The following SPATA13 variants were observed in gnomAD, a reference collection of about 807,000 sequenced individuals.
The protein encoded by SPATA13 is spermatogenesis-associated protein 13.
A neutral mutation model predicts 104.0 loss-of-function variants in SPATA13; 50 were observed. The observed-to-expected ratio is 0.48, with a 90% CI of 0.38 to 0.61. The LOEUF (loss-of-function observed/expected upper bound fraction) is 0.61. SPATA13 is among the 20% of genes least tolerant of loss of function. The pLI, the probability that SPATA13 is intolerant of heterozygous loss-of-function variation, is 0.00. For synonymous variants in SPATA13, 606 were observed against 667.5 expected, an observed-to-expected ratio of 0.91 and a Z score of 1.42; for missense variants, 1,524 against 1,690.6, an observed-to-expected ratio of 0.90 and a Z score of 1.73.
rs1044933029 is a variant in SPATA13, at chr13:24,011,993, C to T, written c.-146-5674C>T. 6.6e-6 allele frequency among the ~76,000 whole-genome samples: 1 copy of T among 152,224 alleles called. No homozygotes were observed. The highest frequency in any genetic ancestry group is 1.5e-5 in the Non-Finnish European group (1 of 68,042). ...ACAGGCACAGGGACCGGGGCTTGCC[C>T]ACCACCCTAAACAAAACTTGCTGAT... On this transcript the variant is annotated intron_variant, in intron 2 of 14. Transcript: ENST00000424834. The surrounding 1 kb of genome is among the most constrained non-coding windows in gnomAD (Gnocchi z 4.3).
At chr13:24,159,436 G>C (rs1034059355), upstream of SPATA13, among the ~76,000 whole-genome samples, 1 of 152,114 alleles carries the variant, frequency 6.6e-6, no homozygotes, top group Admixed American at 6.5e-5. Flanking sequence ...ACTATTTTTA[G>C]AGCAGTTTTA....
intron 3 of SPATA13, among the ~76,000 whole-genome samples, chr13:24,145,178 G>A (rs1235189612): frequency 6.6e-5 from 10 of 152,216 alleles, no homozygotes; most frequent in Non-Finnish European, 1.5e-5. Flanking sequence ...GAAAGAGACA[G>A]TGTGAAAGGC....
intron 3 of SPATA13, chr13:24,034,933 G>A (rs1397501198): frequency 1.3e-5 from 2 of 152,244 alleles, no homozygotes; most frequent in African/African-American, 4.8e-5. Context: ...GCTGTCGGAA[G>A]ATAAACTCCA....
At chr13:24,284,104 T>C (rs1322445709) in intron 4 of SPATA13, 31 bp from the exon 5 acceptor site, 1 of 1,582,532 alleles carries the variant, frequency 6.3e-7, no homozygotes, top group Admixed American at 1.7e-5. Context: ...GCTGTGTCTT[T>C]TAAATCATGC....
chr13:24,129,279 C>A (rs1159916574), intron 3 of SPATA13, among the ~76,000 whole-genome samples: 1 of 152,196 alleles, frequency 6.6e-6, no homozygotes, highest in Admixed American at 6.5e-5. Context: ...CAGCGTCTGT[C>A]CCATGTGAGC....
At chr13:24,120,613 G>C (rs762849791) in intron 3 of SPATA13, among the ~76,000 whole-genome samples, 47 of 152,158 alleles carry the variant, frequency 3.1e-4, no homozygotes, top group Non-Finnish European at 5.3e-4. Context: ...GAAAAGGGGG[G>C]ACAGTAGTAT....
chr13:24,022,834 G>C (rs1448815997), intron 3 of SPATA13, among the ~76,000 whole-genome samples: 10 of 152,036 alleles, frequency 6.6e-5, no homozygotes, highest in Admixed American at 2.6e-4. Flanking sequence ...TACAAGGCAG[G>C]CTCTTGTAGA....
At chr13:24,133,931 C>T (rs891596557) in intron 3 of SPATA13, among the ~76,000 whole-genome samples, 8 of 152,258 alleles carry the variant, frequency 5.3e-5, no homozygotes, top group Admixed American at 3.9e-4. Context: ...GTGGGGGTTT[C>T]GTGAGCAACG....
intron 1 of SPATA13, among the ~76,000 whole-genome samples, chr13:23,980,224 C>G (rs1003075687): frequency 1.3e-5 from 2 of 152,112 alleles, no homozygotes; most frequent in African/African-American, 4.8e-5. Flanking sequence ...GCGGCCCCAG[C>G]AGGCTCAAGG....
At chr13:24,277,391 C>G (rs927529437) in intron 4 of SPATA13, among the ~76,000 whole-genome samples, 2 of 148,258 alleles carry the variant, frequency 1.3e-5, no homozygotes, top group Non-Finnish European at 3.0e-5. Flanking sequence ...TTGCAGTGAC[C>G]CGAGATCGCG....
intron 3 of SPATA13, among the ~76,000 whole-genome samples, chr13:24,084,206 A>G (rs575307809): frequency 6.6e-6 from 1 of 152,160 alleles, no homozygotes; most frequent in African/African-American, 2.4e-5. Flanking sequence ...TGAACAATTT[A>G]AATGCGTTGG....
At chr13:24,055,248 C>T (rs1025239670) in intron 3 of SPATA13, among the ~76,000 whole-genome samples, 10 of 152,160 alleles carry the variant, frequency 6.6e-5, no homozygotes, top group African/African-American at 2.4e-4. Context: ...AATTGCTTCC[C>T]CAGTCCTCTC....
At chr13:24,066,132 T>A (rs1203333614) in intron 3 of SPATA13, among the ~76,000 whole-genome samples, 2 of 152,164 alleles carry the variant, frequency 1.3e-5, no homozygotes, top group African/African-American at 4.8e-5. Context: ...TACCTTTAGG[T>A]TACACGTGGA....
intron 3 of SPATA13, among the ~76,000 whole-genome samples, chr13:24,113,887 A>T (rs191718972): frequency 6.7e-6 from 1 of 150,272 alleles, no homozygotes; most frequent in African/African-American, 2.5e-5. Flanking sequence ...AAAAAAAAAA[A>T]AAAGAAAGAA....
chr13:24,174,029 G>A (rs1883109675), intron 1 of SPATA13, among the ~76,000 whole-genome samples: 2 of 152,174 alleles, frequency 1.3e-5, no homozygotes, highest in Admixed American at 6.5e-5. Flanking sequence ...AGGTAGTGTA[G>A]AATTGGTGTT....
intron 3 of SPATA13, among the ~76,000 whole-genome samples, chr13:24,037,232 T>C (rs1275217505): frequency 6.8e-6 from 1 of 146,622 alleles, no homozygotes; most frequent in Admixed American, 6.7e-5. Context: ...AGGGATGGCA[T>C]TAGGAGATAT....
chr13:24,017,597 C>A, intron 2 of SPATA13: 1 of 839,966 alleles, frequency 1.2e-6, no homozygotes, highest in Non-Finnish European at 1.4e-6. Flanking sequence ...GTCTGGCATT[C>A]CGATTTAACC....
intron 1 of SPATA13, among the ~76,000 whole-genome samples, chr13:24,199,159 G>A (rs1870259642): frequency 6.6e-6 from 1 of 152,058 alleles, no homozygotes; most frequent in Admixed American, 6.6e-5. Context: ...AAAGTTCTGG[G>A]ATTACAGGCC....
At position 24,161,558 on chromosome 13, in the gene SPATA13, G is replaced by T. The variant is rs1882494872; in HGVS notation, c.-112+626G>T. Among the ~76,000 whole-genome samples, 1 of 152,144 alleles carries T rather than the reference G, an allele frequency of 6.6e-6. No individual in the cohort carries two copies. The stretch of plus-strand genomic sequence containing the variant: ...ATTCTGTGCAGGAGGTGGGGGAATT[G>T]GTACTCCAGCCCCAGGCAGGTAGAA... On this transcript the variant is annotated intron_variant, in intron 1 of 12. Transcript: ENST00000382108. The surrounding 1 kb of genome is among the most constrained non-coding windows in gnomAD (Gnocchi z 4.5).
Sources: gnomAD v4.1 joint callset for allele counts (sites outside exome capture counted in the v4.1 genomes callset) on GRCh38, gnomAD v4.1.1 for gene constraint, Gnocchi (gnomAD v3.1) non-coding constraint, MANE v1.5 for transcripts, NCBI Gene and HGNC (gene_info 2026-07-23, HGNC 2026-07-21) for gene names.